The following CP variants were observed in gnomAD, a reference collection of about 807,000 sequenced individuals.
The protein encoded by CP is ceruloplasmin, also known as caeruloplasmin.
Under a neutral mutation model 122.4 loss-of-function variants are expected in CP, and 64 were observed. That is an observed-to-expected ratio of 0.52 (90% CI 0.43 to 0.64). The LOEUF is 0.64. CP is among the 30% of genes least tolerant of loss of function. The pLI, the probability that CP is intolerant of heterozygous loss-of-function variation, is 0.00. For missense variants in CP, 1,167 were observed against 1,284.4 expected (o/e 0.91, Z 1.40); for synonymous variants, 440 against 436.4 (o/e 1.01, Z -0.10).
chr3:149,176,703 A>C (rs560119351), intron 17 of CP: 10 of 346,494 alleles, frequency 2.9e-5, no homozygotes, highest in Admixed American at 8.7e-5. Flanking sequence ...TGTTTGTCAT[A>C]GCACTTAAGC....
chr3:149,218,491 T>C (rs1728603230), intron 1 of CP, among the ~76,000 whole-genome samples: 1 of 152,296 alleles, frequency 6.6e-6, no homozygotes, highest in African/African-American at 2.4e-5. Context: ...AAGTAAACTT[T>C]ATTTTTTTAG....
intron 12 of CP, among the ~76,000 whole-genome samples, chr3:149,184,854 T>A (rs1726046013): frequency 6.6e-6 from 1 of 152,196 alleles, no homozygotes; most frequent in Non-Finnish European, 1.5e-5. Flanking sequence ...AGACTAACAA[T>A]GAAAACTCTG....
intron 3 of CP, among the ~76,000 whole-genome samples, chr3:149,209,820 G>A (rs1727987109): frequency 6.6e-6 from 1 of 152,148 alleles, no homozygotes; most frequent in Non-Finnish European, 1.5e-5. Flanking sequence ...TATAGTATGA[G>A]TAACTACAGA....
intron 14 of CP, chr3:149,179,879 G>A: frequency 1.9e-6 from 1 of 522,532 alleles, no homozygotes; most frequent in Non-Finnish European, 3.4e-6. Flanking sequence ...GTCATTTTTT[G>A]GGTTAATTTT....
Position 149,165,996 on chromosome 3 carries a change from CT to C in CP, c.640del (p.Ser214ValfsTer2), listed in dbSNP as rs764609396. 5 of 456,242 alleles carry C rather than the reference CT, an allele frequency of 1.1e-5. 1 individual carries two copies. Among genetic ancestry groups the C allele is most frequent in the Middle Eastern group, 3.3e-4 (1 of 3,072 alleles). The allele number at this position is 456,242 out of a possible 1,614,324, so 28.3% of individuals were successfully genotyped here. ...AGATATTTGGAATAAAATAATCACA[CT>C]GACTGTGATTGGGTAGATCACATTC... On this transcript the variant is annotated frameshift_variant, in exon 5 of 6. Transcript: ENST00000479771. LOFTEE classifies it high-confidence loss of function.
chr3:149,179,973 A>C, intron 14 of CP: 1 of 326,678 alleles, frequency 3.1e-6, no homozygotes, highest in Non-Finnish European at 5.8e-6. Flanking sequence ...TTTGCAACCA[A>C]TCTCTTCTTA....
At chr3:149,221,565 T>C in intron 1 of CP, 82 bp downstream of exon 1, 2 of 1,398,308 alleles carry the variant, frequency 1.4e-6, no homozygotes, top group South Asian at 2.7e-5. Context: ...TAAGAAATTT[T>C]AAAAATATTT....
In CP at chr3:149,212,697, C is replaced by A; in HGVS notation, c.148G>T (p.Glu50Ter). 2 of 1,613,214 alleles carry A rather than the reference C, an allele frequency of 1.2e-6. No homozygotes were observed. Among genetic ancestry groups the A allele is most frequent in the South Asian group, 2.2e-5 (2 of 90,926 alleles). Residue 50 changes from glutamate to a stop codon, truncating the protein, a stop_gained and splice_region_variant, in exon 2 of 19, where the codon GAA (glutamate) becomes TAA (stop). Transcript: ENST00000264613. LOFTEE classifies it high-confidence loss of function. Reference protein sequence around the residue: ...GEKKLISVDTEHSNIYLQNGP... With the variant: ...GEKKLISVDT Reference sequence around the variant, plus strand: ...TTTTGAAGATAGATATTGGAATGTTCCCTGCAAAGAAAAACAAGACAACTC... The same window carrying A: ...TTTTGAAGATAGATATTGGAATGTTACCTGCAAAGAAAAACAAGACAACTC...
chr3:149,175,643 T>C, intron 18 of CP, among the ~76,000 whole-genome samples: 1 of 141,444 alleles, frequency 7.1e-6, no homozygotes, highest in South Asian at 2.1e-4. Context: ...CCAAAAAAAC[T>C]GTTCATTTTT....
At chr3:149,189,591 G>A (rs558857929) in intron 9 of CP, among the ~76,000 whole-genome samples, 2 of 150,742 alleles carry the variant, frequency 1.3e-5, no homozygotes, top group South Asian at 4.2e-4. Context: ...GAAAAAATCA[G>A]GTTGACATTA....
chr3:149,221,697 A>G lies in CP; in HGVS notation c.96T>C (p.Thr32=), dbSNP rs1244018338. ...KHYYIGIIET[T]WDYASDHGEK... ...CCCCATGGTCAGAGGCATAATCCCAAGTCGTTTCAATAATTCCAATGTAAT... is the reference window on the plus strand; with the variant it reads ...CCCCATGGTCAGAGGCATAATCCCAGGTCGTTTCAATAATTCCAATGTAAT... The change falls in exon 1 of 19, where the codon ACT becomes ACC. Residue 32 remains threonine (T), a synonymous_variant. Transcript: ENST00000264613. 1 of 1,613,300 alleles carries G rather than the reference A, an allele frequency of 6.2e-7. No individual in the cohort carries two copies. Among genetic ancestry groups the G allele is most frequent in the South Asian group, 1.1e-5 (1 of 90,722 alleles).
chr3:149,191,391 CTTAT>C (rs1206502728), intron 9 of CP, among the ~76,000 whole-genome samples: 6 of 151,950 alleles, frequency 3.9e-5, no homozygotes, highest in Admixed American at 6.6e-5. Flanking sequence ...GAGCAGGAAA[CTTAT>C]TTGTCTTATT....
intron 9 of CP, among the ~76,000 whole-genome samples, chr3:149,189,659 A>C (rs1726417610): frequency 6.6e-6 from 1 of 152,168 alleles, no homozygotes; most frequent in Non-Finnish European, 1.5e-5. Context: ...TCTTTTTGAG[A>C]AGAAAATATT....
At chr3:149,205,374 GGA>G (rs1482270962) in intron 6 of CP, among the ~76,000 whole-genome samples, 66 of 148,422 alleles carry the variant, frequency 4.4e-4, no homozygotes, top group African/African-American at 1.2e-3. Context: ...AGCTAGAAGC[GGA>G]ATCGCTTCTA....
chr3:149,171,898 G>A (rs1020762037), downstream of CP, among the ~76,000 whole-genome samples: 2 of 151,786 alleles, frequency 1.3e-5, no homozygotes, highest in Middle Eastern at 3.2e-3. Flanking sequence ...GTAGAGACAG[G>A]GTTTCACCAT....
chr3:149,220,205 T>A (rs1312047187), intron 1 of CP, among the ~76,000 whole-genome samples: 5 of 152,188 alleles, frequency 3.3e-5, no homozygotes, highest in Non-Finnish European at 5.9e-5. Flanking sequence ...AAGATTTTTT[T>A]TTGAAGCATA....
In CP at chr3:149,176,491, G is replaced by A. The variant is rs961793687; in HGVS notation, c.3019-79C>T. ...ATGTCATTTGTTAATGTTCAGCTCA[G>A]GGATATTGAAAAAATGGATAAATCT... On this transcript the variant is annotated intron_variant, in intron 17 of 18. Coordinates refer to ENST00000264613, the MANE Select transcript of CP (RefSeq NM_000096.4). 3.5e-6 allele frequency: 4 copies of A among 1,156,478 alleles called. No homozygotes were observed. In the African/African-American group the frequency reaches 6.2e-5, roughly 18 times the overall value. 71.6% of individuals were successfully genotyped at this position (1,156,478 alleles called of 1,614,324 possible).
chr3:149,184,025 C>CTTTTTTT (rs1559939313), intron 12 of CP, among the ~76,000 whole-genome samples: 18 of 66,304 alleles, frequency 2.7e-4, no homozygotes, highest in South Asian at 5.9e-4. Context: ...TTTTCACTTA[C>CTTTTTTT]TTCTTTTTTT....
At chr3:149,206,108 G>A (rs1727691992) in intron 6 of CP, 60 bp downstream of exon 6, 5 of 1,512,932 alleles carry the variant, frequency 3.3e-6, no homozygotes, top group Non-Finnish European at 4.6e-6. Context: ...TTAGCCTTTT[G>A]TAGTTCCTTT....
Sources: allele counts gnomAD v4.1 joint callset (sites outside exome capture counted in the v4.1 genomes callset), GRCh38; gene constraint gnomAD v4.1.1; transcripts MANE v1.5; gene names NCBI Gene and HGNC (gene_info 2026-07-23, HGNC 2026-07-21).